Variants in CENPF observed in about 807,000 individuals in gnomAD.
CENPF encodes AH antigen.
CENPF carries 214 observed loss-of-function variants against 307.3 expected under a neutral mutation model. That is an observed-to-expected ratio of 0.70 (90% CI 0.62 to 0.78). CENPF has a LOEUF of 0.78. Among genes scored for constraint, CENPF ranks in the 30% least tolerant of loss-of-function variants. The pLI, the probability that CENPF is intolerant of heterozygous loss-of-function variation, is 0.00. For synonymous variants in CENPF, 1,259 were observed against 1,270.6 expected (o/e 0.99, Z 0.19); for missense variants, 3,401 against 3,483.9 (o/e 0.98, Z 0.60).
chr1:214,608,556 G>T, intron 1 of CENPF: 1 of 1,611,110 alleles, frequency 6.2e-7, no homozygotes, highest in Non-Finnish European at 8.5e-7. Context: ...CGCGGTTGCG[G>T]CGGGCGCTCT....
chr1:214,652,257 G>A lies in CENPF; in HGVS notation c.8160+371G>A, dbSNP rs566775718. On this transcript the variant is annotated intron_variant, in intron 15 of 19. Coordinates refer to ENST00000366955, the MANE Select transcript of CENPF (RefSeq NM_016343.4). ...TCACTGTGTTAGCCAGGATGGTCTC[G>A]ATCTCCTGATCTTGTGATCTGCCCA... 2.3e-3 allele frequency among the ~76,000 whole-genome samples: 343 copies of A among 151,128 alleles called. 2 individuals are homozygous for A. Among genetic ancestry groups the A allele is most frequent in the African/African-American group, 7.8e-3 (320 of 41,222 alleles).
At chr1:214,647,497 G>T in intron 13 of CENPF, 97 bp downstream of exon 13, 1 of 1,364,652 alleles carries the variant, frequency 7.3e-7, no homozygotes, top group Non-Finnish European at 9.7e-7. Context: ...CTTCTAGACC[G>T]TGTCTGCTAT....
At chr1:214,635,133 G>T (rs1040978878) in intron 10 of CENPF, among the ~76,000 whole-genome samples, 6 of 152,188 alleles carry the variant, frequency 3.9e-5, no homozygotes, top group Non-Finnish European at 1.5e-5. Flanking sequence ...CAAGCATAGG[G>T]ATCTGTATTA....
At chr1:214,656,910 A>G in intron 17 of CENPF, 23 bp from the exon 18 acceptor site, 3 of 1,463,144 alleles carry the variant, frequency 2.1e-6, no homozygotes, top group Admixed American at 3.9e-5. Context: ...GTTGCACATG[A>G]TGTGTTGCTT....
Position 214,620,643 on chromosome 1 carries a change from C to T in CENPF, c.574-12C>T. 1 of 1,600,316 alleles carries T rather than the reference C, an allele frequency of 6.2e-7. No homozygotes were observed. Among genetic ancestry groups the T allele is most frequent in the East Asian group, 2.2e-5 (1 of 44,798 alleles). On this transcript the variant is annotated splice_polypyrimidine_tract_variant and intron_variant, in intron 5 of 19. Transcript: ENST00000366955. ...ATCTTTAAAGGCCTCTAAAGAGATT[C>T]TGTTTCTACAGAAAGCAAGCCAGAC...
chr1:214,641,022 A>G lies in CENPF; in HGVS notation c.2684A>G (p.His895Arg). 1 of 1,568,466 alleles carries G rather than the reference A, an allele frequency of 6.4e-7. No individual in the cohort carries two copies. Among genetic ancestry groups the G allele is most frequent in the Non-Finnish European group, 8.6e-7 (1 of 1,165,122 alleles). ...AAGTTACAGGAAGACACTTCTGCTC[A>G]CCAGAATGTTGTTGCTGAAACCTTA... ...ISKLQEDTSA[H>R]QNVVAETLSA... The change falls in exon 12 of 20, where the codon CAC becomes CGC. Residue 895 changes from histidine (H) to arginine (R), a missense_variant. Physicochemically the swap from His to Arg is conservative, Grantham distance 29. Coordinates refer to ENST00000366955, the MANE Select transcript of CENPF (RefSeq NM_016343.4).
intron 6 of CENPF, among the ~76,000 whole-genome samples, chr1:214,621,536 T>C (rs1400336223): frequency 6.6e-6 from 1 of 152,154 alleles, no homozygotes; most frequent in Non-Finnish European, 1.5e-5. Context: ...ACCTAGCCAA[T>C]GCCATTGGAA....
At chr1:214,609,866 A>G (rs1346542313) in intron 1 of CENPF, among the ~76,000 whole-genome samples, 2 of 152,214 alleles carry the variant, frequency 1.3e-5, no homozygotes, top group Non-Finnish European at 2.9e-5. Context: ...GCAAAAAACC[A>G]TGATCTCATT....
Position 214,646,511 on chromosome 1 carries a change from A to G in CENPF, c.6941A>G (p.Glu2314Gly), listed in dbSNP as rs866665518. Residue 2314 changes from glutamate to glycine, a missense_variant, in exon 13 of 20, where the codon GAA (glutamate) becomes GGA (glycine). Physicochemically the swap from Glu to Gly is moderately conservative, Grantham distance 98 (BLOSUM62 -2). Coordinates refer to ENST00000366955, the MANE Select transcript of CENPF (RefSeq NM_016343.4). ...EKLRARLEAD[E>G]KKQLCVLQQL... ...CTGAGAGCCCGCCTAGAAGCTGATG[A>G]AAAGAAGCAGCTCTGTGTCTTACAA... is the stretch of plus-strand genomic sequence containing the variant. 1.9e-6 allele frequency: 3 copies of G among 1,614,154 alleles called. No homozygotes were observed. The highest frequency in any genetic ancestry group is 2.5e-6 in the Non-Finnish European group (3 of 1,180,012).
At chr1:214,652,489 G>A (rs1658510727) in intron 15 of CENPF, among the ~76,000 whole-genome samples, 1 of 146,210 alleles carries the variant, frequency 6.8e-6, no homozygotes, top group South Asian at 2.2e-4. Context: ...TGTCACCCAG[G>A]CTAGAGTGCA....
At chr1:214,637,604 G>A (rs1300903027) in intron 10 of CENPF, among the ~76,000 whole-genome samples, 1 of 151,948 alleles carries the variant, frequency 6.6e-6, no homozygotes, top group Non-Finnish European at 1.5e-5. Context: ...CTCTTTAATA[G>A]GCGTATGAAC....
intron 17 of CENPF, 128 bp downstream of exon 17, chr1:214,655,531 T>A: frequency 1.3e-6 from 1 of 758,894 alleles, no homozygotes; most frequent in Non-Finnish European, 1.9e-6. Context: ...TTTTTACCAT[T>A]AATCCATTTT....
intron 16 of CENPF, chr1:214,654,324 G>C (rs1658573047): frequency 6.6e-6 from 1 of 152,158 alleles, no homozygotes; most frequent in Admixed American, 6.6e-5. Flanking sequence ...TAGAATCCCA[G>C]CACTTTGGGA....
intron 19 of CENPF, among the ~76,000 whole-genome samples, chr1:214,663,314 A>G (rs1658832907): frequency 6.6e-6 from 1 of 152,166 alleles, no homozygotes; most frequent in Admixed American, 6.5e-5. Flanking sequence ...GTGGTCAAGC[A>G]TGTTGTGGGC....
At position 214,651,772 on chromosome 1, in the gene CENPF, C is replaced by G. The variant is rs777956187; in HGVS notation, c.8046C>G (p.His2682Gln). 7 of 1,611,884 alleles carry G rather than the reference C, an allele frequency of 4.3e-6. No homozygotes were observed. Among genetic ancestry groups the G allele is most frequent in the Non-Finnish European group, 5.9e-6 (7 of 1,179,212 alleles). The change falls in exon 15 of 20, where the codon CAC becomes CAG. Residue 2682 changes from histidine (H) to glutamine (Q), a missense_variant. His to Gln is a conservative substitution (Grantham distance 24). Transcript: ENST00000366955. ...SELKKSLDCM[H>Q]KDQVEKEGKV... ...TGAAGAAGAGCCTAGATTGCATGCA[C>G]AAAGACCAGGTGGAAAAGGAAGGGA...
chr1:214,642,975 C>T lies in CENPF; in HGVS notation c.4637C>T (p.Ala1546Val), dbSNP rs373708395. The change falls in exon 12 of 20, where the codon GCG (alanine) becomes GTG (valine). Residue 1546 changes from alanine (A) to valine (V), a missense_variant. Coordinates refer to ENST00000366955, the MANE Select transcript of CENPF (RefSeq NM_016343.4). ...AGGAAAGAAACCCCTTCGGCCCCAGCGAAGGGTGTTGAAGAGCTTGAGTCC... is the reference window on the plus strand; with the variant it reads ...AGGAAAGAAACCCCTTCGGCCCCAGTGAAGGGTGTTGAAGAGCTTGAGTCC... The part of the protein sequence containing the change: ...LTRKETPSAP[A>V]KGVEELESLC... 2.5e-5 allele frequency: 40 copies of T among 1,611,800 alleles called. No homozygotes were observed. The highest frequency in any genetic ancestry group is 2.7e-5 in the African/African-American group (2 of 74,542).
intron 3 of CENPF, among the ~76,000 whole-genome samples, chr1:214,616,701 G>C (rs745409787): frequency 6.6e-6 from 1 of 151,818 alleles, no homozygotes; most frequent in Non-Finnish European, 1.5e-5. Flanking sequence ...CAGATGTGGT[G>C]GTTTGATTTG....
chr1:214,661,717 A>G (rs1282485070), intron 19 of CENPF, among the ~76,000 whole-genome samples: 3 of 152,204 alleles, frequency 2.0e-5, no homozygotes, highest in Admixed American at 2.0e-4. Flanking sequence ...ACTGGCCAGT[A>G]AGCTGTAGAG....
chr1:214,605,796 G>A (rs940150611), intron 1 of CENPF: 1 of 1,590,706 alleles, frequency 6.3e-7, no homozygotes, highest in Non-Finnish European at 8.5e-7. Context: ...ACCGCCTTGG[G>A]GCAGCGCTCG....
Sources: allele counts gnomAD v4.1 joint callset (sites outside exome capture counted in the v4.1 genomes callset), GRCh38; gene constraint gnomAD v4.1.1; transcripts MANE v1.5; gene names NCBI Gene and HGNC (gene_info 2026-07-23, HGNC 2026-07-21).